The following RALGAPA2 variants were observed in gnomAD, a reference collection of about 807,000 sequenced individuals.
RALGAPA2 encodes Ral GTPase activating protein catalytic subunit alpha 2.
Under a neutral mutation model 230.4 loss-of-function variants are expected in RALGAPA2, and 139 were observed. The ratio of observed to expected loss-of-function variants is 0.60; its 90% CI spans 0.53 to 0.69. The LOEUF (loss-of-function observed/expected upper bound fraction) is 0.69. Ranked by LOEUF, RALGAPA2 falls within the 30% of genes least tolerant of loss-of-function variation. The pLI is 0.00. For missense variants in RALGAPA2, 2,163 were observed against 2,276.0 expected (o/e 0.95, Z 1.01); for synonymous variants, 847 against 837.8 (o/e 1.01, Z -0.19).
rs1357217889 is a variant in RALGAPA2, at chr20:20,512,666, T to G, written c.4703A>C (p.Asn1568Thr). 3 of 1,613,998 alleles carry G rather than the reference T, an allele frequency of 1.9e-6. No individual in the cohort carries two copies. The highest frequency in any genetic ancestry group is 2.5e-6 in the Non-Finnish European group (3 of 1,179,872). The change falls in exon 32 of 40, where the codon AAT becomes ACT. Residue 1568 changes from asparagine to threonine, a missense_variant. Asn to Thr is a moderately conservative substitution (Grantham distance 65). Transcript: ENST00000202677. ...KEIIEVILRQ[N>T]AQEDEYIQSH... Reference sequence around the variant, plus strand: ...CTGGATATACTCATCCTCTTGAGCATTTTGGCGCAAAATGACCTCAATGAT... The same window carrying G: ...CTGGATATACTCATCCTCTTGAGCAGTTTGGCGCAAAATGACCTCAATGAT...
chr20:20,664,288 G>A (rs945961178), intron 3 of RALGAPA2, among the ~76,000 whole-genome samples: 1 of 152,060 alleles, frequency 6.6e-6, no homozygotes, highest in African/African-American at 2.4e-5. Context: ...TTCAAAAACT[G>A]GAAAGGCAGC....
At chr20:20,684,951 TA>T (rs1300445428) in intron 1 of RALGAPA2, among the ~76,000 whole-genome samples, 1 of 152,154 alleles carries the variant, frequency 6.6e-6, no homozygotes, top group Non-Finnish European at 1.5e-5. Context: ...TGTCTTTTTT[TA>T]AAAGACTCAT....
chr20:20,462,111 G>A (rs1260816282), intron 37 of RALGAPA2, among the ~76,000 whole-genome samples: 1 of 152,134 alleles, frequency 6.6e-6, no homozygotes, highest in Non-Finnish European at 1.5e-5. Context: ...ATAAGCTAAG[G>A]AAAGATAAAA....
chr20:20,483,491 T>C (rs1197705715), intron 36 of RALGAPA2, among the ~76,000 whole-genome samples: 3 of 152,124 alleles, frequency 2.0e-5, no homozygotes, highest in African/African-American at 7.2e-5. Context: ...CTGAGAAGCT[T>C]GGCCCCAGCT....
intron 37 of RALGAPA2, among the ~76,000 whole-genome samples, chr20:20,418,172 CAA>C (rs1465333169): frequency 2.0e-5 from 3 of 152,122 alleles, no homozygotes; most frequent in Non-Finnish European, 4.4e-5. Context: ...GAACGCCGAG[CAA>C]ATCCATAAGA....
chr20:20,577,111 TTC>T (rs2064844521), intron 20 of RALGAPA2, among the ~76,000 whole-genome samples: 3 of 152,146 alleles, frequency 2.0e-5, no homozygotes, highest in Non-Finnish European at 4.4e-5. Flanking sequence ...CCGGACTGAT[TTC>T]TAGGCAATTA....
intron 1 of RALGAPA2, among the ~76,000 whole-genome samples, chr20:20,697,473 G>A (rs2069159983): frequency 6.6e-6 from 1 of 152,144 alleles, no homozygotes; most frequent in South Asian, 2.1e-4. Context: ...ATGTCATGTG[G>A]TACAAATGGG....
At chr20:20,521,811 T>C (rs1157008531) in intron 30 of RALGAPA2, among the ~76,000 whole-genome samples, 1 of 152,240 alleles carries the variant, frequency 6.6e-6, no homozygotes, top group Non-Finnish European at 1.5e-5. Flanking sequence ...ATCAAGGTAA[T>C]ACTTGAGAAA....
chr20:20,633,015 C>G (rs1045093058), intron 9 of RALGAPA2, among the ~76,000 whole-genome samples: 1 of 150,656 alleles, frequency 6.6e-6, no homozygotes, highest in Non-Finnish European at 1.5e-5. Flanking sequence ...GTCTTTCTCT[C>G]TCTCTCTCTC....
chr20:20,394,189 C>T (rs1257177707), intron 39 of RALGAPA2, among the ~76,000 whole-genome samples: 1 of 152,132 alleles, frequency 6.6e-6, no homozygotes, highest in African/African-American at 2.4e-5. Flanking sequence ...TTTTCATTCT[C>T]TGACCTTCCC....
At chr20:20,429,948 G>A (rs999813692) in intron 37 of RALGAPA2, among the ~76,000 whole-genome samples, 1 of 152,228 alleles carries the variant, frequency 6.6e-6, no homozygotes, top group Non-Finnish European at 1.5e-5. Flanking sequence ...GAACAAAAAA[G>A]AAGGTAGAAA....
rs373104444 is a variant in RALGAPA2 at position 20,571,815 on chromosome 20, T to G, written c.3000+33A>C. On this transcript the variant is annotated intron_variant, in intron 22 of 39. Coordinates refer to ENST00000202677, the MANE Select transcript of RALGAPA2 (RefSeq NM_020343.4). ...CTCAATTTCAGAAAGGAAGAGGAAA[T>G]CGCAATAAAGGAATAAACACATATC... 7.0e-4 allele frequency: 1,085 copies of G among 1,551,296 alleles called. 15 individuals carry two copies. The South Asian group carries it at 9.7e-3, about 14-fold the overall frequency.
At chr20:20,444,672 G>A (rs2060819274) in intron 37 of RALGAPA2, among the ~76,000 whole-genome samples, 1 of 152,138 alleles carries the variant, frequency 6.6e-6, no homozygotes, top group Non-Finnish European at 1.5e-5. Context: ...GGTTGATTGA[G>A]CCAATTTACA....
At chr20:20,396,071 G>A (rs1241788830) in intron 39 of RALGAPA2, among the ~76,000 whole-genome samples, 1 of 152,226 alleles carries the variant, frequency 6.6e-6, no homozygotes, top group Non-Finnish European at 1.5e-5. Flanking sequence ...CTCTGGGCAG[G>A]GCCTGGACCC....
intron 37 of RALGAPA2, among the ~76,000 whole-genome samples, chr20:20,468,314 T>C (rs772661382): frequency 6.6e-6 from 1 of 152,202 alleles, no homozygotes; most frequent in Non-Finnish European, 1.5e-5. Context: ...GAAATTTGGA[T>C]TAGAAAAGCA....
rs772089136 is a variant in RALGAPA2 at position 20,465,197 on chromosome 20, A to ACACTCT, written c.5495+7631_5495+7632insAGAGTG. Reference sequence around the variant, plus strand: ...CACACACACACACACACACACACACACTCTCTCATACTAGGGGACAGCAGC... The same window carrying ACACTCT: ...CACACACACACACACACACACACACACACTCTCTCTCTCATACTAGGGGACAGCAGC... On this transcript the variant is annotated intron_variant, in intron 37 of 39. Coordinates refer to ENST00000202677, the MANE Select transcript of RALGAPA2 (RefSeq NM_020343.4). Among the ~76,000 whole-genome samples, 129 of 147,436 alleles carry ACACTCT rather than the reference A, an allele frequency of 8.7e-4. 1 individual carries two copies. Among genetic ancestry groups the ACACTCT allele is most frequent in the East Asian group, 8.7e-3 (42 of 4,828 alleles).
intron 31 of RALGAPA2, among the ~76,000 whole-genome samples, chr20:20,514,572 T>C (rs1018964007): frequency 1.3e-5 from 2 of 152,178 alleles, no homozygotes; most frequent in African/African-American, 2.4e-5. Context: ...GTAGAGATTA[T>C]GGTACAGTGG....
chr20:20,551,361 G>T (rs1362551849), intron 23 of RALGAPA2, among the ~76,000 whole-genome samples: 1 of 152,178 alleles, frequency 6.6e-6, no homozygotes, highest in Non-Finnish European at 1.5e-5. Flanking sequence ...TTTGTTCAAA[G>T]AAATTAAAAT....
intron 12 of RALGAPA2, among the ~76,000 whole-genome samples, chr20:20,619,032 A>G (rs1183221866): frequency 1.3e-5 from 2 of 152,224 alleles, no homozygotes; most frequent in Admixed American, 6.5e-5. Flanking sequence ...TAATCTCAAA[A>G]AGACTGTAAC....
Sources: gnomAD v4.1 joint callset for allele counts (sites outside exome capture counted in the v4.1 genomes callset) on GRCh38, gnomAD v4.1.1 for gene constraint, MANE v1.5 for transcripts, NCBI Gene and HGNC (gene_info 2026-07-23, HGNC 2026-07-21) for gene names.